NELL2: variants seen among roughly 807,000 people sequenced by gnomAD.
NELL2 encodes the protein neural EGFL like 2, also known as protein kinase C-binding protein NELL2.
A neutral mutation model predicts 109.6 loss-of-function variants in NELL2; 41 were observed. The ratio of observed to expected loss-of-function variants is 0.37; its 90% CI spans 0.29 to 0.49. The LOEUF (loss-of-function observed/expected upper bound fraction) is 0.49, where lower values mean the gene tolerates loss of function less well. Ranked by LOEUF, NELL2 falls within the 20% of genes least tolerant of loss-of-function variation. The probability of loss-of-function intolerance (pLI) is 0.98; values close to 1 mark genes in which losing one functional copy is unlikely to be tolerated. For missense variants in NELL2, 900 were observed against 1,008.3 expected (o/e 0.89, Z 1.45); for synonymous variants, 355 against 344.7 (o/e 1.03, Z -0.33).
At chr12:44,809,800 TTC>T (rs1461264350) in intron 3 of NELL2, among the ~76,000 whole-genome samples, 2 of 152,078 alleles carry the variant, frequency 1.3e-5, no homozygotes, top group East Asian at 3.9e-4. Flanking sequence ...CCTTCCTACT[TTC>T]TTCTTGCTTT....
At chr12:44,531,873 G>A (rs1372694915) in intron 16 of NELL2, among the ~76,000 whole-genome samples, 1 of 152,070 alleles carries the variant, frequency 6.6e-6, no homozygotes, top group Admixed American at 6.6e-5. Flanking sequence ...TTTCAGTGCG[G>A]GTAGTTTCCC....
At chr12:44,793,416 G>A (rs1318501814) in intron 3 of NELL2, among the ~76,000 whole-genome samples, 1 of 152,054 alleles carries the variant, frequency 6.6e-6, no homozygotes, top group Non-Finnish European at 1.5e-5. Flanking sequence ...ATCAGCAAAC[G>A]CATCATCCCA....
At chr12:44,745,474 T>A (rs142995737) in intron 9 of NELL2, among the ~76,000 whole-genome samples, 3,065 of 152,070 alleles carry the variant, frequency 0.02, 100 homozygotes, top group African/African-American at 0.069. Flanking sequence ...GAGAAGGAAA[T>A]AAAGGGTATT....
intron 9 of NELL2, among the ~76,000 whole-genome samples, chr12:44,761,323 G>A (rs935843136): frequency 6.6e-6 from 1 of 152,100 alleles, no homozygotes; most frequent in Non-Finnish European, 1.5e-5. Context: ...AGCCAAGATT[G>A]CGCCACTGCA....
intron 12 of NELL2, among the ~76,000 whole-genome samples, chr12:44,697,829 A>G (rs1394680708): frequency 2.0e-5 from 3 of 152,204 alleles, no homozygotes; most frequent in African/African-American, 7.2e-5. Flanking sequence ...ATAAAGTACC[A>G]CAAACTGGGT....
At chr12:44,587,279 A>AAAG (rs1944548983) in intron 15 of NELL2, among the ~76,000 whole-genome samples, 3 of 110,648 alleles carry the variant, frequency 2.7e-5, no homozygotes, top group African/African-American at 1.2e-4. Flanking sequence ...CTCAAAAAAA[A>AAAG]AAAAAATATA....
At chr12:44,609,211 A>G (rs561411175) in intron 14 of NELL2, among the ~76,000 whole-genome samples, 2 of 152,070 alleles carry the variant, frequency 1.3e-5, no homozygotes, top group Non-Finnish European at 2.9e-5. Flanking sequence ...TGGCCCCCCA[A>G]AGTGCTAGGA....
intron 15 of NELL2, among the ~76,000 whole-genome samples, chr12:44,545,323 A>G (rs186927412): frequency 1.8e-4 from 27 of 152,184 alleles, no homozygotes; most frequent in East Asian, 7.7e-4. Context: ...CCCTCAGGTC[A>G]TTTTTTGGTT....
chr12:44,902,884 C>G (rs554398089), intron 1 of NELL2, among the ~76,000 whole-genome samples: 1 of 152,154 alleles, frequency 6.6e-6, no homozygotes. Context: ...CTTCCTTATA[C>G]CTTATACAAA....
chr12:44,774,764 C>T lies in NELL2; in HGVS notation c.977G>A (p.Cys326Tyr). ...KSALAYVDGKCCKECKSICQF... is the reference protein window; with the variant it reads ...KSALAYVDGKYCKECKSICQF... ...ATGCTCACATTTGCATTCCTTACAG[C>T]ATTTGCCATCCACATACGCAAGAGC... Residue 326 changes from cysteine to tyrosine, a missense_variant, in exon 9 of 20, where the codon TGC (cysteine) becomes TAC (tyrosine). Physicochemically the swap from Cys to Tyr is radical, Grantham distance 194. Around this residue, in one of 4 missense-constraint regions of NELL2, gnomAD observed 292 missense variants for 265.3 expected, o/e 1.10. Coordinates refer to ENST00000429094, the MANE Select transcript of NELL2 (RefSeq NM_001145108.2). 1 of 1,613,866 alleles carries T rather than the reference C, an allele frequency of 6.2e-7. No homozygotes were observed. Among genetic ancestry groups the T allele is most frequent in the East Asian group, 2.2e-5 (1 of 44,872 alleles).
At chr12:44,674,314 C>T (rs548058698) in intron 12 of NELL2, among the ~76,000 whole-genome samples, 7 of 152,102 alleles carry the variant, frequency 4.6e-5, no homozygotes, top group Admixed American at 2.0e-4. Context: ...ATTGTAAGTG[C>T]CAAAAAACCC....
In NELL2 at chr12:44,876,171, G is replaced by C. The variant is rs1209283645; in HGVS notation, c.-302C>G. 7.9e-7 allele frequency: 1 copy of C among 1,261,022 alleles called. No individual in the cohort carries two copies. The highest frequency in any genetic ancestry group is 3.6e-5 in the Admixed American group (1 of 28,102). The allele number at this position is 1,261,022 out of a possible 1,614,324, so 78.1% of individuals were successfully genotyped here. A position where few individuals can be genotyped will look rare whatever the true frequency, so the allele number is the denominator to read the frequency against. The stretch of plus-strand genomic sequence containing the variant: ...CTCGCCCCGGCGCGGCTCCGTCGGG[G>C]AATTAGCTCCCGAGCCGAATAAAAG... On this transcript the variant is annotated 5_prime_UTR_variant, in exon 1 of 20. Transcript: ENST00000429094.
intron 12 of NELL2, among the ~76,000 whole-genome samples, chr12:44,669,799 G>A (rs1330279952): frequency 6.6e-6 from 1 of 152,284 alleles, no homozygotes; most frequent in East Asian, 1.9e-4. Flanking sequence ...TGAATTTTGG[G>A]AGTTCCAGAA....
intron 13 of NELL2, among the ~76,000 whole-genome samples, chr12:44,653,872 A>G (rs1304667444): frequency 6.6e-6 from 1 of 152,196 alleles, no homozygotes; most frequent in Non-Finnish European, 1.5e-5. Flanking sequence ...GAAACCATAA[A>G]TGTGTCTTAG....
chr12:44,886,084 TAAGGAAGGAAGG>T (rs60040149), intron 1 of NELL2, among the ~76,000 whole-genome samples: 13,050 of 115,616 alleles, frequency 0.11, 786 homozygotes, highest in African/African-American at 0.14. Context: ...ATCCATATAG[TAAGGAAGGAAGG>T]AAGGAAGGAA....
At chr12:44,637,907 T>G (rs2136295636) in intron 13 of NELL2, among the ~76,000 whole-genome samples, 1 of 152,156 alleles carries the variant, frequency 6.6e-6, no homozygotes, top group East Asian at 1.9e-4. Flanking sequence ...TTTTCAAAAT[T>G]ACTACAACAG....
chr12:44,821,794 T>C (rs1437856430), intron 2 of NELL2, among the ~76,000 whole-genome samples: 1 of 152,118 alleles, frequency 6.6e-6, no homozygotes, highest in Non-Finnish European at 1.5e-5. Flanking sequence ...CTCGGCTCAC[T>C]GCAACCTTCG....
In NELL2 at chr12:44,586,275, G is replaced by T. The variant is rs924370857; in HGVS notation, c.1663+20894C>A. Among the ~76,000 whole-genome samples, 4 of 148,618 alleles carry T rather than the reference G, an allele frequency of 2.7e-5. No homozygotes were observed. In the East Asian group the frequency reaches 7.8e-4, roughly 29 times the overall value. The stretch of plus-strand genomic sequence containing the variant: ...AGTGGGGATAGAAGCAATGAACTTT[G>T]CAGTGTGATTATATATATATAGATA... On this transcript the variant is annotated intron_variant, in intron 15 of 19. Transcript: ENST00000429094.
intron 12 of NELL2, among the ~76,000 whole-genome samples, chr12:44,684,418 T>G (rs1253472626): frequency 4.6e-5 from 7 of 152,142 alleles, no homozygotes; most frequent in Admixed American, 4.6e-4. Context: ...TCTATTTCCT[T>G]CAGTTCTGCT....
Sources: allele counts gnomAD v4.1 joint callset (sites outside exome capture counted in the v4.1 genomes callset), GRCh38; gene constraint gnomAD v4.1.1; regional missense constraint gnomAD v4.1.1; transcripts MANE v1.5; gene names NCBI Gene and HGNC (gene_info 2026-07-23, HGNC 2026-07-21).